Variants in KATNA1 observed in about 807,000 individuals in gnomAD.
KATNA1 encodes the protein katanin catalytic subunit A1.
KATNA1 carries 42 observed loss-of-function variants against 62.6 expected under a neutral mutation model. The observed-to-expected ratio is 0.67, with a 90% CI of 0.52 to 0.87. The LOEUF is 0.87. Ranked by LOEUF, KATNA1 falls within the 40% of genes least tolerant of loss-of-function variation. The pLI, the probability that KATNA1 is intolerant of heterozygous loss-of-function variation, is 0.00. For missense variants in KATNA1, 498 were observed against 612.5 expected (o/e 0.81, Z 1.97); for synonymous variants, 186 against 201.9 (o/e 0.92, Z 0.67).
At chr6:149,639,434 A>G (rs1191091325) in intron 1 of KATNA1, among the ~76,000 whole-genome samples, 1 of 151,302 alleles carries the variant, frequency 6.6e-6, no homozygotes, top group East Asian at 2.0e-4. Context: ...CTCGGTCTCT[A>G]CTAAAAATAC....
intron 3 of KATNA1, among the ~76,000 whole-genome samples, chr6:149,631,137 C>A (rs138230156): frequency 6.6e-6 from 1 of 152,102 alleles, no homozygotes; most frequent in Non-Finnish European, 1.5e-5. Flanking sequence ...TGGTGGCTCA[C>A]GCCTGTAATC....
intron 10 of KATNA1, among the ~76,000 whole-genome samples, chr6:149,595,867 C>T (rs977024541): frequency 3.4e-4 from 52 of 152,186 alleles, no homozygotes; most frequent in Admixed American, 3.4e-3. Flanking sequence ...AATTAAGTGT[C>T]TCTACTAATA....
At chr6:149,644,048 GT>G (rs1780388955) in intron 1 of KATNA1, among the ~76,000 whole-genome samples, 1 of 151,898 alleles carries the variant, frequency 6.6e-6, no homozygotes, top group African/African-American at 2.4e-5. Flanking sequence ...CCTCAGCATG[GT>G]CACATTCTTG....
At chr6:149,636,966 T>A (rs1458944595) in intron 2 of KATNA1, among the ~76,000 whole-genome samples, 1 of 151,984 alleles carries the variant, frequency 6.6e-6, no homozygotes, top group Non-Finnish European at 1.5e-5. Flanking sequence ...AACCTTTTTT[T>A]CCTCTTTGAC....
At chr6:149,596,309 C>T (rs1261219972) in intron 10 of KATNA1, among the ~76,000 whole-genome samples, 1 of 152,032 alleles carries the variant, frequency 6.6e-6, no homozygotes, top group Non-Finnish European at 1.5e-5. Flanking sequence ...CTGAGGCAGG[C>T]GGATCACTTG....
chr6:149,638,432 T>C lies in KATNA1; in HGVS notation c.116A>G (p.Tyr39Cys), dbSNP rs1780148878. ...YQGVLDQMNK[Y>C]LYSVKDTYLQ... ...GTATGTATCTTTGACTGAGTACAGA[T>C]ACTTGTTCATTTGGTCAAGAACTCC... The change falls in exon 2 of 11, where the codon TAT becomes TGT. Residue 39 changes from tyrosine (Y) to cysteine (C), a missense_variant. Physicochemically the swap from Tyr to Cys is radical, Grantham distance 194 (BLOSUM62 -2). Coordinates refer to ENST00000367411, the MANE Select transcript of KATNA1 (RefSeq NM_007044.4). The C allele has an allele frequency of 1.2e-6, 2 of 1,613,962 alleles. No homozygotes were observed. Among genetic ancestry groups the C allele is most frequent in the African/African-American group, 1.3e-5 (1 of 74,928 alleles).
chr6:149,604,398 T>G (rs1359218152), intron 5 of KATNA1, among the ~76,000 whole-genome samples: 1 of 152,126 alleles, frequency 6.6e-6, no homozygotes, highest in East Asian at 1.9e-4. Flanking sequence ...TCTAGGAGTT[T>G]GAGCCTGCAG....
At chr6:149,619,833 G>A (rs1020076582) in intron 4 of KATNA1, among the ~76,000 whole-genome samples, 1 of 152,042 alleles carries the variant, frequency 6.6e-6, no homozygotes, top group Non-Finnish European at 1.5e-5. Flanking sequence ...TAGATTATAT[G>A]GTAGTTCTAG....
intron 4 of KATNA1, among the ~76,000 whole-genome samples, chr6:149,619,046 T>C (rs1267280292): frequency 2.6e-5 from 4 of 152,104 alleles, no homozygotes; most frequent in Admixed American, 1.3e-4. Flanking sequence ...AGGCAACCTG[T>C]AGAATGGGAG....
intron 7 of KATNA1, among the ~76,000 whole-genome samples, chr6:149,600,058 T>C (rs1228340825): frequency 6.6e-6 from 1 of 151,994 alleles, no homozygotes; most frequent in South Asian, 2.1e-4. Context: ...AAATAAGGCT[T>C]GAAAGCTGAG....
rs1780490864 is a variant in KATNA1, at chr6:149,646,411, A to G, written c.-14+2058T>C. 2.6e-5 allele frequency among the ~76,000 whole-genome samples: 4 copies of G among 152,310 alleles called. No individual in the cohort carries two copies. The South Asian group carries it at 8.3e-4, about 32-fold the overall frequency. On this transcript the variant is annotated intron_variant, in intron 1 of 10. Coordinates refer to ENST00000367411, the MANE Select transcript of KATNA1 (RefSeq NM_007044.4). The stretch of plus-strand genomic sequence containing the variant: ...CCCAATCATGCATCTTCCTGAAGGC[A>G]TTTCAGTAAAGCAAGTGTATATGAC...
intron 1 of KATNA1, among the ~76,000 whole-genome samples, chr6:149,643,846 TA>T (rs1428897922): frequency 6.6e-6 from 1 of 151,020 alleles, no homozygotes; most frequent in Admixed American, 6.6e-5. Context: ...TATATATATA[TA>T]TTTTTTTTTT....
intron 10 of KATNA1, among the ~76,000 whole-genome samples, chr6:149,595,657 G>GTGTT (rs1183968882): frequency 3.3e-5 from 5 of 150,840 alleles, no homozygotes; most frequent in Admixed American, 3.3e-4. Flanking sequence ...TTTCTCATTT[G>GTGTT]TGTTAAAAAA....
At chr6:149,596,862 G>C (rs1778335701) in intron 10 of KATNA1, among the ~76,000 whole-genome samples, 2 of 151,982 alleles carry the variant, frequency 1.3e-5, no homozygotes, top group Admixed American at 6.6e-5. Flanking sequence ...CCAAGATATT[G>C]ATCTGTCTTA....
intron 1 of KATNA1, among the ~76,000 whole-genome samples, chr6:149,644,671 T>TA (rs1780412721): frequency 6.6e-6 from 1 of 152,034 alleles, no homozygotes; most frequent in Non-Finnish European, 1.5e-5. Context: ...AAGTTGTTAC[T>TA]TATATATAGG....
At chr6:149,601,932 G>A (rs966538727) in intron 6 of KATNA1, 180 bp from the exon 7 acceptor site, 18 of 452,984 alleles carry the variant, frequency 4.0e-5, no homozygotes, top group Non-Finnish European at 6.0e-5. Flanking sequence ...TAAAAAAGAA[G>A]ATAACCACAT....
chr6:149,618,861 T>G (rs1053167134), intron 4 of KATNA1, among the ~76,000 whole-genome samples: 3 of 152,154 alleles, frequency 2.0e-5, no homozygotes, highest in Non-Finnish European at 4.4e-5. Context: ...CGTTTACACC[T>G]GAAACTATGA....
chr6:149,638,730 GTT>G (rs1217719467), intron 1 of KATNA1, 170 bp from the exon 2 acceptor site: 1,108 of 99,576 alleles, frequency 0.011, no homozygotes, highest in South Asian at 0.032. Context: ...AAAAAACATT[GTT>G]TTTTTTTTTT....
intron 4 of KATNA1, among the ~76,000 whole-genome samples, chr6:149,612,258 A>G (rs565881524): frequency 4.7e-4 from 71 of 152,168 alleles, no homozygotes; most frequent in Non-Finnish European, 9.0e-4. Context: ...CTATAATCCC[A>G]GCACTTTGGG....
Sources: gnomAD v4.1 joint callset for allele counts (sites outside exome capture counted in the v4.1 genomes callset) on GRCh38, gnomAD v4.1.1 for gene constraint, MANE v1.5 for transcripts, NCBI Gene and HGNC (gene_info 2026-07-23, HGNC 2026-07-21) for gene names.